Variants in FBXL20 observed in about 807,000 individuals in gnomAD.
FBXL20 encodes the protein F-box and leucine rich repeat protein 20.
In FBXL20, 11 loss-of-function variants were observed where a neutral mutation model predicts 64.0. The ratio of observed to expected loss-of-function variants is 0.17; its 90% CI spans 0.11 to 0.28. The LOEUF is 0.28. Ranked by LOEUF, FBXL20 falls within the 10% of genes least tolerant of loss-of-function variation. The pLI, the probability that FBXL20 is intolerant of heterozygous loss-of-function variation, is 1.00. For synonymous variants in FBXL20, 184 were observed against 189.0 expected (o/e 0.97, Z 0.22); for missense variants, 303 against 526.2 (o/e 0.58, Z 4.15).
chr17:39,368,415 G>A (rs2047882541), intron 1 of FBXL20, among the ~76,000 whole-genome samples: 1 of 152,010 alleles, frequency 6.6e-6, no homozygotes, highest in Admixed American at 6.6e-5. Flanking sequence ...AAATTTTTAA[G>A]AATGAAAAAG....
chr17:39,258,275 C>T lies in FBXL20; in HGVS notation c.*3185G>A, dbSNP rs938182392. Reference sequence around the variant, plus strand: ...GAGAGGAAGCATTATGTTCAGATGTCAGGCTCCTTTCCACCTGACCAAAAC... The same window carrying T: ...GAGAGGAAGCATTATGTTCAGATGTTAGGCTCCTTTCCACCTGACCAAAAC... On this transcript the variant is annotated 3_prime_UTR_variant, in exon 15 of 15. Coordinates refer to ENST00000264658, the MANE Select transcript of FBXL20 (RefSeq NM_032875.3). 6.6e-6 allele frequency: 1 copy of T among 152,236 alleles called. No individual in the cohort carries two copies. The highest frequency in any genetic ancestry group is 1.5e-5 in the Non-Finnish European group (1 of 68,046). 9.4% of individuals were successfully genotyped at this position (152,236 alleles called of 1,614,324 possible).
At chr17:39,367,604 A>T (rs1033525995) in intron 1 of FBXL20, among the ~76,000 whole-genome samples, 5 of 152,046 alleles carry the variant, frequency 3.3e-5, no homozygotes. Flanking sequence ...GGCATGAGCC[A>T]CCATACCCAG....
intron 1 of FBXL20, among the ~76,000 whole-genome samples, chr17:39,345,340 G>A (rs1003138173): frequency 7.9e-5 from 12 of 152,068 alleles, no homozygotes; most frequent in Admixed American, 5.2e-4. Context: ...AATTCTACCC[G>A]GAGTTGTATC....
intron 7 of FBXL20, 116 bp downstream of exon 7, chr17:39,285,362 A>G (rs2046979774): frequency 2.3e-5 from 14 of 596,086 alleles, no homozygotes; most frequent in Middle Eastern, 4.8e-4. Flanking sequence ...TCTATTCTGA[A>G]CTATAGAATA....
At chr17:39,308,554 T>A (rs563138685) in intron 2 of FBXL20, among the ~76,000 whole-genome samples, 54 of 146,530 alleles carry the variant, frequency 3.7e-4, no homozygotes, top group African/African-American at 6.1e-4. Flanking sequence ...ATCAAAAAAA[T>A]TTTTAATACA....
rs1039574811 is a variant in FBXL20, at chr17:39,260,459, C to T, written c.*1001G>A. ...GGATACCATGCGAATTATCACATAT[C>T]AGAAGATAAAATAGAAACCAAAAGG... On this transcript the variant is annotated 3_prime_UTR_variant, in exon 15 of 15. Transcript: ENST00000264658. 1.3e-5 allele frequency: 2 copies of T among 152,122 alleles called. No homozygotes were observed. The highest frequency in any genetic ancestry group is 4.8e-5 in the African/African-American group (2 of 41,408). The allele number at this position is 152,122 out of a possible 1,614,324, so 9.4% of individuals were successfully genotyped here.
At chr17:39,281,897 T>C (rs1221349305) in intron 8 of FBXL20, among the ~76,000 whole-genome samples, 1 of 152,202 alleles carries the variant, frequency 6.6e-6, no homozygotes, top group Non-Finnish European at 1.5e-5. Context: ...CACTGGAAGA[T>C]AGGTGCCATG....
chr17:39,363,771 A>G (rs1375114867), intron 1 of FBXL20, among the ~76,000 whole-genome samples: 1 of 135,858 alleles, frequency 7.4e-6, no homozygotes, highest in Non-Finnish European at 1.5e-5. Flanking sequence ...TGATCTGGCC[A>G]CTGTACTCCA....
At chr17:39,269,898 G>A (rs1324948621) in intron 11 of FBXL20, among the ~76,000 whole-genome samples, 2 of 152,226 alleles carry the variant, frequency 1.3e-5, no homozygotes, top group Non-Finnish European at 2.9e-5. Context: ...TTACAGGCAT[G>A]AGCCACTGCA....
At position 39,254,008 on chromosome 17, in the gene FBXL20, G is replaced by C. The variant is rs756789664; in HGVS notation, c.*7452C>G. ...TAAGGTAAGAAACATATATGTGTGAGCAGCAATGAGGTACAGATCTGAATT... is the reference window on the plus strand; with the variant it reads ...TAAGGTAAGAAACATATATGTGTGACCAGCAATGAGGTACAGATCTGAATT... On this transcript the variant is annotated 3_prime_UTR_variant, in exon 15 of 15. Coordinates refer to ENST00000264658, the MANE Select transcript of FBXL20 (RefSeq NM_032875.3). 3 of 152,224 alleles carry C rather than the reference G, an allele frequency of 2.0e-5. No homozygotes were observed. Among genetic ancestry groups the C allele is most frequent in the African/African-American group, 4.8e-5 (2 of 41,440 alleles). The allele number at this position is 152,224 out of a possible 1,614,324, so 9.4% of individuals were successfully genotyped here.
At chr17:39,370,077 C>T (rs1171422786) in intron 1 of FBXL20, among the ~76,000 whole-genome samples, 1 of 151,800 alleles carries the variant, frequency 6.6e-6, no homozygotes, top group Non-Finnish European at 1.5e-5. Context: ...TTCCAGTGCC[C>T]TCTAGCCTGG....
intron 12 of FBXL20, among the ~76,000 whole-genome samples, chr17:39,266,983 T>C (rs146334189): frequency 2.0e-3 from 305 of 151,680 alleles, no homozygotes; most frequent in African/African-American, 6.8e-3. Context: ...CCAGACATGG[T>C]AGTTCACGCT....
chr17:39,348,341 G>A (rs2047654151), intron 1 of FBXL20, among the ~76,000 whole-genome samples: 1 of 152,086 alleles, frequency 6.6e-6, no homozygotes, highest in South Asian at 2.1e-4. Flanking sequence ...CACACCTGTA[G>A]TTCCAGCTAC....
At chr17:39,397,410 C>G (rs1391352493) in intron 1 of FBXL20, among the ~76,000 whole-genome samples, 1 of 152,142 alleles carries the variant, frequency 6.6e-6, no homozygotes, top group Non-Finnish European at 1.5e-5. Flanking sequence ...ACTGTTTAAA[C>G]TGTAAAATGG....
At chr17:39,303,339 C>T (rs1049602348) in intron 3 of FBXL20, among the ~76,000 whole-genome samples, 1 of 151,882 alleles carries the variant, frequency 6.6e-6, no homozygotes, top group African/African-American at 2.4e-5. Flanking sequence ...ATGTTTATTG[C>T]TTTTTCATCG....
chr17:39,272,558 C>G (rs2046853773), intron 10 of FBXL20, among the ~76,000 whole-genome samples: 1 of 151,212 alleles, frequency 6.6e-6, no homozygotes, highest in African/African-American at 2.4e-5. Flanking sequence ...AAAAATTGGC[C>G]AGGCATGGTA....
At chr17:39,391,302 C>T (rs532340258) in intron 1 of FBXL20, among the ~76,000 whole-genome samples, 9 of 150,156 alleles carry the variant, frequency 6.0e-5, no homozygotes, top group East Asian at 5.9e-4. Context: ...AAGCAGGAAT[C>T]GAAAGCAGTA....
At chr17:39,357,698 A>G (rs2047755743) in intron 1 of FBXL20, among the ~76,000 whole-genome samples, 1 of 152,198 alleles carries the variant, frequency 6.6e-6, no homozygotes, top group South Asian at 2.1e-4. Context: ...GTGAGTCACC[A>G]TGCCCAGCTG....
chr17:39,333,867 A>C (rs1366218727), intron 2 of FBXL20, among the ~76,000 whole-genome samples: 3 of 136,672 alleles, frequency 2.2e-5, no homozygotes, highest in Non-Finnish European at 3.2e-5. Context: ...AGCGTCTCTG[A>C]CCGGCTGCCC....
Sources: allele counts gnomAD v4.1 joint callset (sites outside exome capture counted in the v4.1 genomes callset), GRCh38; gene constraint gnomAD v4.1.1; transcripts MANE v1.5; gene names NCBI Gene and HGNC (gene_info 2026-07-23, HGNC 2026-07-21).